The following VPS45 variants were observed in gnomAD, a reference collection of about 807,000 sequenced individuals.
VPS45 encodes the protein vacuolar protein sorting-associated protein 45.
VPS45 carries 35 observed loss-of-function variants against 75.9 expected under a neutral mutation model. That is an observed-to-expected ratio of 0.46 (90% CI 0.35 to 0.61). VPS45 has a LOEUF of 0.61. Among genes scored for constraint, VPS45 ranks in the 20% least tolerant of loss-of-function variants. VPS45 has a pLI of 0.00. For synonymous variants in VPS45, 220 were observed against 238.2 expected (o/e 0.92, Z 0.70); for missense variants, 559 against 685.9 (o/e 0.81, Z 2.07).
intron 13 of VPS45, chr1:150,098,915 A>T (rs1303132607): frequency 8.1e-6 from 10 of 1,241,752 alleles, no homozygotes; most frequent in Non-Finnish European, 1.0e-5. Flanking sequence ...GAGCTATATG[A>T]TCATGCATTC....
At chr1:150,073,342 G>A (rs944706703) in intron 3 of VPS45, among the ~76,000 whole-genome samples, 6 of 152,054 alleles carry the variant, frequency 3.9e-5, no homozygotes, top group African/African-American at 7.2e-5. Context: ...TTTCTTCAGC[G>A]TATACTACTT....
At chr1:150,121,050 G>A (rs1553809473) in intron 14 of VPS45, among the ~76,000 whole-genome samples, 1 of 151,758 alleles carries the variant, frequency 6.6e-6, no homozygotes, top group Non-Finnish European at 1.5e-5. Flanking sequence ...TGTATTTTTA[G>A]TAGAGATGGG....
At chr1:150,140,386 G>GGTTTGT (rs1247879886) in intron 14 of VPS45, among the ~76,000 whole-genome samples, 29 of 140,346 alleles carry the variant, frequency 2.1e-4, no homozygotes, top group African/African-American at 5.1e-4. Flanking sequence ...CATCACTTCT[G>GGTTTGT]GTGTGTGTGT....
intron 14 of VPS45, among the ~76,000 whole-genome samples, chr1:150,141,292 G>A (rs1356715767): frequency 3.3e-5 from 5 of 151,826 alleles, no homozygotes; most frequent in Non-Finnish European, 7.4e-5. Context: ...CACTATTCAG[G>A]TTCTAGATTC....
chr1:150,087,494 T>C (rs74127421), intron 10 of VPS45, among the ~76,000 whole-genome samples: 5,192 of 152,326 alleles, frequency 0.034, 246 homozygotes, highest in African/African-American at 0.11. Context: ...AGCATATAAC[T>C]TGCTTTGTAA....
Position 150,082,760 on chromosome 1 carries a change from T to C in VPS45, c.981T>C (p.Thr327=). 6.2e-7 allele frequency: 1 copy of C among 1,614,116 alleles called. No homozygotes were observed. Among genetic ancestry groups the C allele is most frequent in the Non-Finnish European group, 8.5e-7 (1 of 1,180,014 alleles). The change falls in exon 10 of 15, where the codon ACT becomes ACC. Residue 327 remains threonine, a synonymous_variant. Transcript: ENST00000644510. ...CACAGTTCAAGAAAATGTCTGGGAC[T>C]GTTTCAAAGCATGTGACAGTGGTTG... ...NYPQFKKMSG[T]VSKHVTVVGE... is the part of the protein sequence containing the mutation.
At chr1:150,090,879 A>G (rs1216721101) in intron 10 of VPS45, among the ~76,000 whole-genome samples, 1 of 152,216 alleles carries the variant, frequency 6.6e-6, no homozygotes, top group Non-Finnish European at 1.5e-5. Context: ...CCCTTTCCCC[A>G]TATAGCATAA....
At position 150,077,689 on chromosome 1, in the gene VPS45, T is replaced by C. The variant is rs781964920; in HGVS notation, c.597T>C (p.Tyr199=). 6.2e-6 allele frequency: 10 copies of C among 1,613,738 alleles called. No homozygotes were observed. Among genetic ancestry groups the C allele is most frequent in the South Asian group, 1.1e-5 (1 of 91,088 alleles). Residue 199 remains tyrosine (Y), a synonymous_variant, in exon 7 of 15, where the codon TAT becomes TAC. Transcript: ENST00000644510. ...CACAGCAAGTGATAACTAAAGAATA[T>C]GAACTGTTTGAATTCCGTCGGACAG... ...ECVKQVITKE[Y]ELFEFRRTEV...
intron 7 of VPS45, 92 bp from the exon 8 acceptor site, chr1:150,081,250 A>G: frequency 7.9e-7 from 1 of 1,271,834 alleles, no homozygotes; most frequent in East Asian, 2.7e-5. Flanking sequence ...AAGACTAGTT[A>G]AAGAATGTTA....
intron 2 of VPS45, among the ~76,000 whole-genome samples, chr1:150,069,739 A>G (rs1383426160): frequency 6.6e-6 from 1 of 152,170 alleles, no homozygotes; most frequent in East Asian, 1.9e-4. Context: ...TACAGGCGGG[A>G]GCCACCGTGC....
chr1:150,080,753 A>G (rs16833647), intron 7 of VPS45, among the ~76,000 whole-genome samples: 2,169 of 152,298 alleles, frequency 0.014, 42 homozygotes, highest in African/African-American at 0.049. Context: ...ATAAATTCTC[A>G]ATTTGTGAGA....
At chr1:150,101,964 C>T (rs75125100) in intron 13 of VPS45, among the ~76,000 whole-genome samples, 3,298 of 151,642 alleles carry the variant, frequency 0.022, 98 homozygotes, top group African/African-American at 0.074. Context: ...CAGCTGGACA[C>T]GGTGGCTCAC....
At chr1:150,083,933 C>G (rs1259390275) in intron 10 of VPS45, among the ~76,000 whole-genome samples, 12 of 151,752 alleles carry the variant, frequency 7.9e-5, no homozygotes, top group Admixed American at 5.9e-4. Flanking sequence ...GTTGAAGAGA[C>G]AAAACTAAAG....
At chr1:150,094,440 A>G (rs1553802665) in intron 13 of VPS45, among the ~76,000 whole-genome samples, 2 of 152,178 alleles carry the variant, frequency 1.3e-5, no homozygotes, top group African/African-American at 4.8e-5. Flanking sequence ...GAGATTCTGA[A>G]TGAGAAAAAT....
chr1:150,078,755 C>T (rs1655533109), intron 7 of VPS45, among the ~76,000 whole-genome samples: 1 of 150,720 alleles, frequency 6.6e-6, no homozygotes, highest in African/African-American at 2.4e-5. Context: ...GAGCAAGACT[C>T]CGTCTCCAAA....
rs782131359 is a variant in VPS45, at chr1:150,081,413, G to A, written c.759G>A (p.Pro253=). ...ATCGGATTGATCTTTCCAGAGTGCC[G>A]GGAATCAGTAAAGACTTAAGAGAAG... is the stretch of plus-strand genomic sequence containing the variant. ...NNNRIDLSRV[P]GISKDLREVV... Residue 253 remains proline, a synonymous_variant, in exon 8 of 15, where the codon CCG becomes CCA. Transcript: ENST00000644510. 38 of 1,608,166 alleles carry A rather than the reference G, an allele frequency of 2.4e-5. No homozygotes were observed. The highest frequency in any genetic ancestry group is 5.1e-5 in the Admixed American group (3 of 58,456).
At chr1:150,071,700 A>G (rs1400443360) in intron 2 of VPS45, among the ~76,000 whole-genome samples, 2 of 151,122 alleles carry the variant, frequency 1.3e-5, no homozygotes, top group Non-Finnish European at 2.9e-5. Context: ...AGACAGGAGA[A>G]TTGCTTGAAC....
At chr1:150,128,728 A>G (rs1440101275) in intron 14 of VPS45, among the ~76,000 whole-genome samples, 2 of 117,886 alleles carry the variant, frequency 1.7e-5, no homozygotes, top group Non-Finnish European at 3.4e-5. Flanking sequence ...AACTTTCCCA[A>G]AGAGATTTTC....
intron 14 of VPS45, among the ~76,000 whole-genome samples, chr1:150,118,724 A>G (rs587638875): frequency 6.6e-6 from 1 of 152,250 alleles, no homozygotes; most frequent in South Asian, 2.1e-4. Context: ...TCATCCTTAT[A>G]TAAAATTAAG....
Sources: allele counts gnomAD v4.1 joint callset (sites outside exome capture counted in the v4.1 genomes callset), GRCh38; gene constraint gnomAD v4.1.1; transcripts MANE v1.5; gene names NCBI Gene and HGNC (gene_info 2026-07-23, HGNC 2026-07-21).